Variants in CSNK1G1 observed in about 807,000 individuals in gnomAD.
CSNK1G1 encodes the protein casein kinase 1 gamma 1.
In CSNK1G1, 22 loss-of-function variants were observed where a neutral mutation model predicts 59.6. The observed-to-expected ratio is 0.37, with a 90% CI of 0.26 to 0.53. CSNK1G1 has a LOEUF of 0.53. Among genes scored for constraint, CSNK1G1 ranks in the 20% least tolerant of loss-of-function variants. CSNK1G1 has a pLI of 0.89. For missense variants in CSNK1G1, 384 were observed against 519.5 expected (o/e 0.74, Z 2.54); for synonymous variants, 179 against 177.1 (o/e 1.01, Z -0.08).
chr15:64,180,132 G>A, intron 11 of CSNK1G1: 1 of 535,946 alleles, frequency 1.9e-6, no homozygotes, highest in Non-Finnish European at 3.4e-6. Flanking sequence ...TCTTTTTCAT[G>A]TGAACTAGAA....
intron 4 of CSNK1G1, among the ~76,000 whole-genome samples, chr15:64,248,113 A>G (rs1891852933): frequency 6.6e-6 from 1 of 152,218 alleles, no homozygotes; most frequent in Non-Finnish European, 1.5e-5. Context: ...CAATGCTGCA[A>G]CATCACCTTG....
At chr15:64,198,425 C>T (rs956843708) in intron 10 of CSNK1G1, among the ~76,000 whole-genome samples, 1 of 151,652 alleles carries the variant, frequency 6.6e-6, no homozygotes, top group Non-Finnish European at 1.5e-5. Context: ...AGGCTGGTCT[C>T]GAACTCCTGG....
At chr15:64,195,644 T>C (rs1228862925) in intron 10 of CSNK1G1, among the ~76,000 whole-genome samples, 1 of 152,192 alleles carries the variant, frequency 6.6e-6, no homozygotes, top group Non-Finnish European at 1.5e-5. Flanking sequence ...TGATTGAATT[T>C]GATCAGATAA....
intron 4 of CSNK1G1, among the ~76,000 whole-genome samples, chr15:64,248,625 G>C (rs1402575315): frequency 6.6e-6 from 1 of 152,112 alleles, no homozygotes; most frequent in African/African-American, 2.4e-5. Flanking sequence ...TCATCAATAG[G>C]ATAATATAAT....
Position 64,259,522 on chromosome 15 carries a change from A to G in CSNK1G1, c.182-281T>C, listed in dbSNP as rs558763880. On this transcript the variant is annotated intron_variant, in intron 2 of 11. Transcript: ENST00000303052. The stretch of plus-strand genomic sequence containing the variant: ...CACACACACACACACACACACACAC[A>G]CATGCATGCATATTAATATTTCCCA... 1.4e-4 allele frequency among the ~76,000 whole-genome samples: 21 copies of G among 150,194 alleles called. No homozygotes were observed. The South Asian group carries it at 1.9e-3, about 14-fold the overall frequency.
At chr15:64,322,947 T>C (rs971415329) in intron 1 of CSNK1G1, among the ~76,000 whole-genome samples, 1 of 151,930 alleles carries the variant, frequency 6.6e-6, no homozygotes, top group African/African-American at 2.4e-5. Flanking sequence ...GTTGTTTTTT[T>C]TTTTCCTCGC....
At chr15:64,325,488 A>C (rs906515175) in intron 1 of CSNK1G1, among the ~76,000 whole-genome samples, 2 of 152,190 alleles carry the variant, frequency 1.3e-5, no homozygotes, top group African/African-American at 4.8e-5. Context: ...ACTTCATACC[A>C]AGAGAAACTC....
Position 64,318,267 on chromosome 15 carries a change from G to T in CSNK1G1, c.-224-17544C>A, listed in dbSNP as rs141443721. On this transcript the variant is annotated intron_variant, in intron 1 of 11. Coordinates refer to ENST00000303052, the MANE Select transcript of CSNK1G1 (RefSeq NM_022048.5). ...TTCTTCCCGTGACGTATCAGTAGGG[G>T]TTTCTAAACTTTATGTGGTTCTAAC... 1.1e-3 allele frequency among the ~76,000 whole-genome samples: 173 copies of T among 152,018 alleles called. 3 individuals carry two copies. In the East Asian group the frequency reaches 0.03, roughly 26 times the overall value.
At chr15:64,246,325 C>T (rs11855072) in intron 4 of CSNK1G1, among the ~76,000 whole-genome samples, 29,235 of 152,080 alleles carry the variant, frequency 0.19, 3,878 homozygotes, top group African/African-American at 0.38. Flanking sequence ...GAAGTTTCAA[C>T]TGGGGTCTTG....
chr15:64,315,613 T>C (rs527469440), intron 1 of CSNK1G1: 5 of 152,318 alleles, frequency 3.3e-5, no homozygotes, highest in African/African-American at 1.2e-4. Flanking sequence ...TAGGTCACAC[T>C]GTCAAACACA....
At chr15:64,174,244 T>A (rs2081714075) in intron 11 of CSNK1G1, among the ~76,000 whole-genome samples, 2 of 152,246 alleles carry the variant, frequency 1.3e-5, no homozygotes, top group South Asian at 4.1e-4. Flanking sequence ...CTTACAAGCA[T>A]ATCATAACTG....
At chr15:64,279,783 C>T (rs111293218) in intron 2 of CSNK1G1, among the ~76,000 whole-genome samples, 1 of 151,982 alleles carries the variant, frequency 6.6e-6, no homozygotes, top group East Asian at 1.9e-4. Context: ...ACAAGCCTGG[C>T]CAACATAGTG....
At chr15:64,279,181 G>A (rs1028547487) in intron 2 of CSNK1G1, among the ~76,000 whole-genome samples, 3 of 152,068 alleles carry the variant, frequency 2.0e-5, no homozygotes, top group Admixed American at 6.6e-5. Flanking sequence ...TGTAGAGCTC[G>A]GTGAATTTTT....
At chr15:64,334,423 T>C (rs937288002) in intron 1 of CSNK1G1, among the ~76,000 whole-genome samples, 1 of 152,154 alleles carries the variant, frequency 6.6e-6, no homozygotes, top group Non-Finnish European at 1.5e-5. Context: ...GGGAATGGTT[T>C]AGGGATGATT....
intron 9 of CSNK1G1, among the ~76,000 whole-genome samples, chr15:64,204,096 T>C (rs1016702612): frequency 6.6e-6 from 1 of 151,752 alleles, no homozygotes; most frequent in African/African-American, 2.4e-5. Flanking sequence ...TGAGCCGAGA[T>C]TGGCGCCATT....
chr15:64,225,665 C>T (rs1034513150), intron 4 of CSNK1G1, among the ~76,000 whole-genome samples: 1 of 151,958 alleles, frequency 6.6e-6, no homozygotes, highest in South Asian at 2.1e-4. Context: ...TCACTCGTGT[C>T]GCCCAGGCTG....
rs1312391016 is a variant in CSNK1G1 at position 64,166,930 on chromosome 15, A to C, written c.*5001T>G. ...GAAAAATAAAAGAAATTCTGTCTAC[A>C]GAACGGAGGTTTCTTTGTAACATCA... On this transcript the variant is annotated 3_prime_UTR_variant, in exon 12 of 12. Coordinates refer to ENST00000303052, the MANE Select transcript of CSNK1G1 (RefSeq NM_022048.5). This position sits in a 1 kb window ranked among gnomAD's most constrained non-coding sequence, Gnocchi z 4.5. 1 of 152,454 alleles carries C rather than the reference A, an allele frequency of 6.6e-6. No individual in the cohort carries two copies. The highest frequency in any genetic ancestry group is 1.9e-4 in the East Asian group (1 of 5,206). The allele number at this position is 152,454 out of a possible 1,614,324, so 9.4% of individuals were successfully genotyped here. A position where few individuals can be genotyped will look rare whatever the true frequency, so the allele number is the denominator to read the frequency against.
chr15:64,319,146 G>A (rs542282265), intron 1 of CSNK1G1, among the ~76,000 whole-genome samples: 1 of 152,182 alleles, frequency 6.6e-6, no homozygotes, highest in Admixed American at 6.5e-5. Context: ...GAGCTACTGC[G>A]CCTGACCTAA....
rs190896151 is a variant in CSNK1G1, at chr15:64,257,329, A to G, written c.222+1872T>C. Among the ~76,000 whole-genome samples the G allele has an allele frequency of 1.1e-3, 168 of 152,318 alleles. 1 individual carries two copies. The highest frequency in any genetic ancestry group is 6.8e-4 in the Non-Finnish European group (46 of 68,026). ...AGATGAAAGAACTGTCCCTAACAGA[A>G]AGCCTAACAAATATGTAGTAATGTA... On this transcript the variant is annotated intron_variant, in intron 3 of 11. Coordinates refer to ENST00000303052, the MANE Select transcript of CSNK1G1 (RefSeq NM_022048.5).
Sources: allele counts gnomAD v4.1 joint callset (sites outside exome capture counted in the v4.1 genomes callset), GRCh38; gene constraint gnomAD v4.1.1; non-coding constraint Gnocchi (gnomAD v3.1); transcripts MANE v1.5; gene names NCBI Gene and HGNC (gene_info 2026-07-23, HGNC 2026-07-21).